PIK3R3: variants seen among roughly 807,000 people sequenced by gnomAD.
The protein encoded by PIK3R3 is phosphatidylinositol 3-kinase regulatory subunit gamma.
A neutral mutation model predicts 62.9 loss-of-function variants in PIK3R3; 64 were observed. The observed-to-expected ratio is 1.02, with a 90% CI of 0.83 to 1.25. PIK3R3 has a LOEUF of 1.25. PIK3R3 is among the 50% of genes most tolerant of loss of function. The pLI is 0.00. For missense variants in PIK3R3, 614 were observed against 561.6 expected (o/e 1.09, Z -0.94); for synonymous variants, 165 against 189.0 (o/e 0.87, Z 1.04).
upstream of PIK3R3, chr1:46,132,643 T>TA: frequency 2.3e-6 from 3 of 1,289,564 alleles, no homozygotes; most frequent in Non-Finnish European, 3.0e-6. Flanking sequence ...CTCCAGCCAC[T>TA]AGAGTTTCAT....
intron 3 of PIK3R3, among the ~76,000 whole-genome samples, chr1:46,070,383 T>C (rs182794310): frequency 6.4e-4 from 97 of 152,298 alleles, no homozygotes; most frequent in Middle Eastern, 3.4e-3. Context: ...GCTGTGGTAA[T>C]AGGAGCATGA....
chr1:46,127,998 A>G (rs939763346), intron 1 of PIK3R3, among the ~76,000 whole-genome samples: 1 of 152,248 alleles, frequency 6.6e-6, no homozygotes, highest in Non-Finnish European at 1.5e-5. Context: ...ACACCAATCC[A>G]TGCAGTTATT....
the PIK3R3 span, among the ~76,000 whole-genome samples, chr1:46,166,783 A>G: frequency 6.6e-6 from 1 of 152,350 alleles, no homozygotes; most frequent in African/African-American, 2.4e-5. Flanking sequence ...GACAAGCAAG[A>G]CAATGGAGCC....
the PIK3R3 span, among the ~76,000 whole-genome samples, chr1:46,141,648 G>T: frequency 6.6e-6 from 1 of 152,210 alleles, no homozygotes; most frequent in South Asian, 2.1e-4. Context: ...ATGAATGACT[G>T]TAAGTCACAT....
At chr1:46,150,451 G>T in the PIK3R3 span, among the ~76,000 whole-genome samples, 1 of 152,148 alleles carries the variant, frequency 6.6e-6, no homozygotes, top group Admixed American at 6.6e-5. Context: ...TCTTTGAGGT[G>T]ATTTCAAAAA....
chr1:46,097,662 TG>T (rs1213659119), intron 1 of PIK3R3, among the ~76,000 whole-genome samples: 1 of 150,276 alleles, frequency 6.7e-6, no homozygotes, highest in Non-Finnish European at 1.5e-5. Flanking sequence ...CCGAGGCGGG[TG>T]GATCACCTGA....
chr1:46,168,159 A>G, the PIK3R3 span, among the ~76,000 whole-genome samples: 1 of 152,158 alleles, frequency 6.6e-6, no homozygotes, highest in Middle Eastern at 3.2e-3. Context: ...TCAAAAAAAT[A>G]AATTAATTAA....
chr1:46,132,932 C>A (rs573800487), upstream of PIK3R3: 1 of 1,165,048 alleles, frequency 8.6e-7, no homozygotes, highest in South Asian at 1.6e-5. Context: ...GATCCGGGCG[C>A]TGGCCGCACT....
intron 6 of PIK3R3, among the ~76,000 whole-genome samples, chr1:46,060,377 C>A (rs888559346): frequency 6.6e-6 from 1 of 151,802 alleles, no homozygotes; most frequent in Non-Finnish European, 1.5e-5. Context: ...GTAATCCCAG[C>A]GACTCAGGAG....
the PIK3R3 span, among the ~76,000 whole-genome samples, chr1:46,173,803 G>C: frequency 6.6e-6 from 1 of 152,102 alleles, no homozygotes; most frequent in African/African-American, 2.4e-5. Flanking sequence ...ACACACACTC[G>C]AGCACAAACA....
chr1:46,050,030 A>G (rs774668575), intron 7 of PIK3R3, among the ~76,000 whole-genome samples: 2 of 151,194 alleles, frequency 1.3e-5, no homozygotes, highest in East Asian at 4.0e-4. Context: ...CTGATGCAGG[A>G]GAAGTGCTTG....
chr1:46,161,202 C>A, the PIK3R3 span, among the ~76,000 whole-genome samples: 14 of 152,132 alleles, frequency 9.2e-5, no homozygotes, highest in African/African-American at 3.4e-4. Context: ...TCAAATGATC[C>A]CCCAACCTCA....
chr1:46,157,590 A>G, the PIK3R3 span, among the ~76,000 whole-genome samples: 1 of 152,190 alleles, frequency 6.6e-6, no homozygotes, highest in Non-Finnish European at 1.5e-5. Flanking sequence ...AATCAGCCTT[A>G]TTCACTTTAA....
chr1:46,078,330 G>A (rs1011757990), intron 2 of PIK3R3, among the ~76,000 whole-genome samples: 3 of 152,164 alleles, frequency 2.0e-5, no homozygotes, highest in Non-Finnish European at 4.4e-5. Context: ...TTGAGGTCAC[G>A]GGTTCGAGAC....
intron 5 of PIK3R3, among the ~76,000 whole-genome samples, chr1:46,063,428 C>G (rs1273177245): frequency 6.6e-6 from 1 of 152,190 alleles, no homozygotes; most frequent in Non-Finnish European, 1.5e-5. Context: ...TGCCAAATAT[C>G]TTGGTACTAA....
chr1:46,058,276 G>C (rs1230256921), intron 6 of PIK3R3, among the ~76,000 whole-genome samples: 1 of 152,282 alleles, frequency 6.6e-6, no homozygotes, highest in East Asian at 1.9e-4. Context: ...GTTTGCTGCA[G>C]GGGCGGGGCT....
the PIK3R3 span, among the ~76,000 whole-genome samples, chr1:46,142,067 C>T: frequency 1.3e-5 from 2 of 152,206 alleles, no homozygotes; most frequent in Non-Finnish European, 2.9e-5. Context: ...GCATAATACT[C>T]CCTTCCTGTA....
the PIK3R3 span, among the ~76,000 whole-genome samples, chr1:46,167,738 TTCAG>T: frequency 6.6e-6 from 1 of 152,210 alleles, no homozygotes; most frequent in African/African-American, 2.4e-5. Context: ...ACTGCTGCCC[TTCAG>T]TCATCTCACA....
chr1:46,133,114 G>C (rs532768794), upstream of PIK3R3: 1 of 870,102 alleles, frequency 1.1e-6, no homozygotes, highest in Admixed American at 5.8e-5. Context: ...CCCCAAGCGG[G>C]CCAATCAGGA....
Sources: allele counts gnomAD v4.1 joint callset (sites outside exome capture counted in the v4.1 genomes callset), GRCh38; gene constraint gnomAD v4.1.1; transcripts MANE v1.5; gene names NCBI Gene and HGNC (gene_info 2026-07-23, HGNC 2026-07-21).